ATP10B: variants seen among roughly 807,000 people sequenced by gnomAD.
The protein encoded by ATP10B is phospholipid-transporting ATPase VB.
Under a neutral mutation model 141.2 loss-of-function variants are expected in ATP10B, and 122 were observed. The observed-to-expected ratio is 0.86, with a 90% CI of 0.75 to 1.00. The LOEUF (loss-of-function observed/expected upper bound fraction) is 1.00, where lower values mean the gene tolerates loss of function less well. Ranked by LOEUF, ATP10B falls within the 50% of genes least tolerant of loss-of-function variation. The pLI, the probability that ATP10B is intolerant of heterozygous loss-of-function variation, is 0.00. For missense variants in ATP10B, 1,876 were observed against 1,825.3 expected, an observed-to-expected ratio of 1.03 and a Z score of -0.51; for synonymous variants, 685 against 692.0, an observed-to-expected ratio of 0.99 and a Z score of 0.16.
intron 1 of ATP10B, among the ~76,000 whole-genome samples, chr5:160,830,695 A>G (rs1056901802): frequency 2.6e-5 from 4 of 151,960 alleles, no homozygotes; most frequent in African/African-American, 9.7e-5. Flanking sequence ...TGATAGTTCC[A>G]TTATCTGTAG....
At chr5:160,798,593 A>G (rs1289459450) in intron 1 of ATP10B, among the ~76,000 whole-genome samples, 2 of 152,162 alleles carry the variant, frequency 1.3e-5, no homozygotes, top group Admixed American at 1.3e-4. Flanking sequence ...CCCTTCGAAG[A>G]GAGAATGGCC....
the ATP10B span, among the ~76,000 whole-genome samples, chr5:160,875,480 C>T: frequency 3.0e-3 from 299 of 98,626 alleles, 14 homozygotes; most frequent in African/African-American, 7.5e-3. Flanking sequence ...CATCAACTAA[C>T]GAGCAAAATC....
the ATP10B span, among the ~76,000 whole-genome samples, chr5:160,858,462 A>G: frequency 5.9e-5 from 9 of 151,846 alleles, no homozygotes; most frequent in African/African-American, 2.2e-4. Context: ...TTCTCAAGTC[A>G]CTGGTATGTA....
chr5:160,907,266 T>C, the ATP10B span, among the ~76,000 whole-genome samples: 1 of 151,966 alleles, frequency 6.6e-6, no homozygotes, highest in Non-Finnish European at 1.5e-5. Flanking sequence ...CTGTTGCCTG[T>C]AGCCAAGGAA....
intron 2 of ATP10B, among the ~76,000 whole-genome samples, chr5:160,782,603 AAGG>A (rs1276163044): frequency 1.3e-5 from 2 of 152,136 alleles, no homozygotes; most frequent in East Asian, 3.9e-4. Context: ...ATGACTCTTC[AAGG>A]AGCTTACTAA....
the ATP10B span, among the ~76,000 whole-genome samples, chr5:160,892,503 T>C: frequency 6.6e-6 from 1 of 152,220 alleles, no homozygotes; most frequent in Non-Finnish European, 1.5e-5. Context: ...TGTTTTCCTT[T>C]AAAAAGTGAT....
At chr5:160,685,445 T>C in intron 6 of ATP10B, 1 of 389,912 alleles carries the variant, frequency 2.6e-6, no homozygotes, top group Non-Finnish European at 4.5e-6. Flanking sequence ...TGTTGGAATG[T>C]AGACGTCACC....
chr5:160,652,797 ATATAT>A lies in ATP10B; in HGVS notation c.676-3546_676-3542del, dbSNP rs1383176525. On this transcript the variant is annotated intron_variant, in intron 7 of 25. Transcript: ENST00000327245. ...ATATAAATATATATAAAAATATATA[ATATAT>A]TATATAATATATTATATATTAATTA... Among the ~76,000 whole-genome samples the A allele has an allele frequency of 1.4e-4, 13 of 96,072 alleles. 1 individual carries two copies. The highest frequency in any genetic ancestry group is 3.2e-4 in the Admixed American group (2 of 6,300). 63.0% of individuals were successfully genotyped at this position (96,072 alleles called of 152,430 possible).
the ATP10B span, among the ~76,000 whole-genome samples, chr5:160,881,672 C>T: frequency 8.6e-5 from 13 of 151,686 alleles, no homozygotes; most frequent in East Asian, 1.9e-4. Flanking sequence ...ATTATCCGGG[C>T]GTGGGGTGGG....
At chr5:160,589,024 T>A (rs1180557320) in intron 24 of ATP10B, among the ~76,000 whole-genome samples, 1 of 152,142 alleles carries the variant, frequency 6.6e-6, no homozygotes, top group East Asian at 1.9e-4. Flanking sequence ...TTGTTTTTTG[T>A]TTTTTGAGAT....
At chr5:160,761,177 A>G (rs1211872857) in intron 2 of ATP10B, among the ~76,000 whole-genome samples, 2 of 152,176 alleles carry the variant, frequency 1.3e-5, no homozygotes, top group South Asian at 2.1e-4. Context: ...CTGCAACACC[A>G]TGGCTAACCA....
At chr5:160,922,887 C>T in the ATP10B span, among the ~76,000 whole-genome samples, 5 of 152,212 alleles carry the variant, frequency 3.3e-5, no homozygotes, top group African/African-American at 9.6e-5. Flanking sequence ...CACATATAGC[C>T]CCTGCTTTTT....
chr5:160,656,115 G>T (rs1761477365), intron 7 of ATP10B, among the ~76,000 whole-genome samples: 2 of 152,088 alleles, frequency 1.3e-5, no homozygotes, highest in African/African-American at 4.8e-5. Context: ...TTTCCTTTAA[G>T]TCTTTACAAT....
chr5:160,592,860 G>C (rs1409010469), intron 22 of ATP10B, among the ~76,000 whole-genome samples: 1 of 152,254 alleles, frequency 6.6e-6, no homozygotes, highest in Non-Finnish European at 1.5e-5. Context: ...CGAGGCTGGG[G>C]GAGGGGCGCC....
intron 1 of ATP10B, among the ~76,000 whole-genome samples, chr5:160,788,086 C>A (rs1771299112): frequency 6.6e-6 from 1 of 152,160 alleles, no homozygotes; most frequent in Admixed American, 6.6e-5. Context: ...ATTCCCCTTG[C>A]CATTATAGGC....
intron 10 of ATP10B, among the ~76,000 whole-genome samples, chr5:160,638,351 G>A (rs1050252405): frequency 2.6e-5 from 4 of 151,916 alleles, no homozygotes; most frequent in Non-Finnish European, 4.4e-5. Flanking sequence ...TCTTTTTCTG[G>A]AGACACAGTG....
At chr5:160,648,589 G>A (rs903771455) in intron 8 of ATP10B, among the ~76,000 whole-genome samples, 1 of 152,164 alleles carries the variant, frequency 6.6e-6, no homozygotes, top group African/African-American at 2.4e-5. Context: ...TATCCTAATA[G>A]CAGGAGCCAC....
intron 9 of ATP10B, among the ~76,000 whole-genome samples, chr5:160,642,360 G>A (rs1240039419): frequency 6.6e-6 from 1 of 152,318 alleles, no homozygotes; most frequent in Non-Finnish European, 1.5e-5. Flanking sequence ...TCTTTCTTCT[G>A]TAAATCTCAC....
chr5:160,609,503 C>T (rs1213023601), intron 18 of ATP10B, among the ~76,000 whole-genome samples: 1 of 151,946 alleles, frequency 6.6e-6, no homozygotes, highest in African/African-American at 2.4e-5. Flanking sequence ...CTCAGCCTCC[C>T]AAGTAACTGG....
Sources: allele counts gnomAD v4.1 joint callset (sites outside exome capture counted in the v4.1 genomes callset), GRCh38; gene constraint gnomAD v4.1.1; transcripts MANE v1.5; gene names NCBI Gene and HGNC (gene_info 2026-07-23, HGNC 2026-07-21).